The following ZNF577 variants were observed in gnomAD, a reference collection of about 807,000 sequenced individuals.
ZNF577 encodes zinc finger protein 577.
A neutral mutation model predicts 13.9 loss-of-function variants in ZNF577; 14 were observed. The ratio of observed to expected loss-of-function variants is 1.00; its 90% CI spans 0.66 to 1.57. ZNF577 has a LOEUF of 1.57. Among genes scored for constraint, ZNF577 ranks in the 40% most tolerant of loss-of-function variants. The pLI is 0.00. For synonymous variants in ZNF577, 203 were observed against 202.9 expected, an observed-to-expected ratio of 1.00 and a Z score of 0.00; for missense variants, 555 against 579.2, an observed-to-expected ratio of 0.96 and a Z score of 0.43.
chr19:51,836,378 T>A (rs962486475), intron 9 of ZNF577, among the ~76,000 whole-genome samples: 1 of 152,236 alleles, frequency 6.6e-6, no homozygotes, highest in Non-Finnish European at 1.5e-5. Flanking sequence ...TGTACTTATG[T>A]TTTACACTTT....
At chr19:51,819,497 G>GAA (rs75444884) in intron 9 of ZNF577, among the ~76,000 whole-genome samples, 2 of 151,780 alleles carry the variant, frequency 1.3e-5, no homozygotes, top group African/African-American at 4.8e-5. Context: ...TTATGATATG[G>GAA]AAAAAAAATG....
At chr19:51,883,395 G>A (rs11672250) in intron 1 of ZNF577, among the ~76,000 whole-genome samples, 3,127 of 152,112 alleles carry the variant, frequency 0.021, 54 homozygotes, top group Non-Finnish European at 0.028. Context: ...AAAGTGCTAG[G>A]ATTACAGGCA....
chr19:51,833,954 T>G (rs921106664), intron 9 of ZNF577, among the ~76,000 whole-genome samples: 1 of 152,206 alleles, frequency 6.6e-6, no homozygotes, highest in Non-Finnish European at 1.5e-5. Context: ...TGTATAATAG[T>G]CAAATCAGGG....
At chr19:51,808,939 C>T (rs2122437896) in intron 10 of ZNF577, among the ~76,000 whole-genome samples, 1 of 152,344 alleles carries the variant, frequency 6.6e-6, no homozygotes, top group African/African-American at 2.4e-5. Flanking sequence ...GGGTTTGTCA[C>T]TGAGCCATTC....
At chr19:51,852,289 TGAGAG>T (rs2084382732) in intron 5 of ZNF577, among the ~76,000 whole-genome samples, 1 of 152,190 alleles carries the variant, frequency 6.6e-6, no homozygotes, top group South Asian at 2.1e-4. Context: ...GGGCTGCCTC[TGAGAG>T]GAAAGAAACA....
chr19:51,842,259 A>C (rs892765716), intron 8 of ZNF577, among the ~76,000 whole-genome samples: 1 of 152,192 alleles, frequency 6.6e-6, no homozygotes, highest in African/African-American at 2.4e-5. Flanking sequence ...ATATAGTGCT[A>C]TGGTCTGATG....
At chr19:51,857,261 C>T (rs1021887914) in intron 5 of ZNF577, among the ~76,000 whole-genome samples, 3 of 150,538 alleles carry the variant, frequency 2.0e-5, no homozygotes, top group African/African-American at 4.9e-5. Flanking sequence ...ATCGTGCCAC[C>T]GCATTTCAGC....
At chr19:51,828,334 C>T (rs2084242306) in intron 9 of ZNF577, among the ~76,000 whole-genome samples, 1 of 150,262 alleles carries the variant, frequency 6.7e-6, no homozygotes, top group African/African-American at 2.4e-5. Context: ...TGCCACTGCA[C>T]TCTAGCCTGG....
At chr19:51,838,460 G>A (rs1230093192) in intron 9 of ZNF577, among the ~76,000 whole-genome samples, 1 of 151,016 alleles carries the variant, frequency 6.6e-6, no homozygotes, top group African/African-American at 2.4e-5. Flanking sequence ...TATTCGTTGT[G>A]CACATGTACC....
rs2084806978 is a variant in ZNF577, at chr19:51,878,592, G to C, written c.61-77C>G. 5.1e-6 allele frequency: 8 copies of C among 1,561,296 alleles called. No individual in the cohort carries two copies. In the East Asian group the frequency reaches 1.6e-4, roughly 31 times the overall value. ...GAGAAGAGGGACGGGGACATGTCTT[G>C]ATCCTTTTCTCCATGACAACGTATG... On this transcript the variant is annotated intron_variant, in intron 3 of 5. Transcript: ENST00000638348.
At chr19:51,885,216 C>T (rs757117500) in intron 1 of ZNF577, among the ~76,000 whole-genome samples, 15 of 152,158 alleles carry the variant, frequency 9.9e-5, no homozygotes, top group Non-Finnish European at 1.8e-4. Flanking sequence ...AGAACACAGC[C>T]ACACCCATTT....
At chr19:51,810,955 C>G in intron 10 of ZNF577, among the ~76,000 whole-genome samples, 1 of 152,150 alleles carries the variant, frequency 6.6e-6, no homozygotes, top group Admixed American at 6.5e-5. Context: ...GTCTCTAGTT[C>G]TGCTACCAAA....
chr19:51,856,918 CAG>C (rs1315501213), intron 5 of ZNF577, among the ~76,000 whole-genome samples: 2 of 142,102 alleles, frequency 1.4e-5, no homozygotes, highest in Admixed American at 7.1e-5. Flanking sequence ...GCTTTTGCCT[CAG>C]GGGAGAATCT....
At position 51,873,382 on chromosome 19, in the gene ZNF577, T is replaced by C. The variant is rs1214260082; in HGVS notation, c.608A>G (p.Glu203Gly). 1.2e-6 allele frequency: 2 copies of C among 1,614,236 alleles called. No homozygotes were observed. The highest frequency in any genetic ancestry group is 2.2e-5 in the South Asian group (2 of 91,090). The stretch of plus-strand genomic sequence containing the variant: ...CTCTCCTGTGTGAGTTCTCTGATGC[T>C]CAGTGAGCTGAATCTTCCTCATGAA... ...KTFMRKIQLT[E>G]HQRTHTGEKP... is the part of the protein sequence containing the mutation. Residue 203 changes from glutamate to glycine, a missense_variant, in exon 6 of 6, where the codon GAG (glutamate) becomes GGG (glycine). Transcript: ENST00000638348.
intron 9 of ZNF577, among the ~76,000 whole-genome samples, chr19:51,832,876 C>T (rs2084267595): frequency 6.6e-6 from 1 of 151,598 alleles, no homozygotes; most frequent in South Asian, 2.1e-4. Flanking sequence ...CTATTGTGTT[C>T]CATTGGTCTG....
intron 5 of ZNF577, 99 bp from the exon 6 acceptor site, chr19:51,873,805 G>T (rs1332695908): frequency 1.3e-5 from 12 of 947,474 alleles, no homozygotes; most frequent in Middle Eastern, 2.8e-4. Context: ...ATTTCCAAGG[G>T]CATAACTTTG....
At chr19:51,854,666 G>A (rs144033882) in intron 5 of ZNF577, among the ~76,000 whole-genome samples, 1,611 of 151,404 alleles carry the variant, frequency 0.011, 27 homozygotes, top group African/African-American at 0.034. Flanking sequence ...TCAGATGGAC[G>A]GAATAATTTT....
rs765500141 is a variant in ZNF577, at chr19:51,824,786, G to A, written c.*600-13112C>T. ...ACACCACTTCTGCTTCACCTCCTGAGGAGACGGAGTTACAAGCAATGTGAG... is the reference window on the plus strand; with the variant it reads ...ACACCACTTCTGCTTCACCTCCTGAAGAGACGGAGTTACAAGCAATGTGAG... On this transcript the variant is annotated intron_variant and NMD_transcript_variant, in intron 9 of 10. Transcript: ENST00000638827. This position sits in a 1 kb window ranked among gnomAD's most constrained non-coding sequence, Gnocchi z 4.7. The A allele has an allele frequency of 6.2e-7, 1 of 1,612,848 alleles. No homozygotes were observed. Among genetic ancestry groups the A allele is most frequent in the Admixed American group, 1.7e-5 (1 of 59,914 alleles).
Position 51,872,933 on chromosome 19 carries a change from G to T in ZNF577, c.1057C>A (p.Pro353Thr). The change falls in exon 6 of 6, where the codon CCA (proline) becomes ACA (threonine). Residue 353 changes from proline (P) to threonine (T), a missense_variant. By Grantham distance (38) the Pro-to-Thr change is conservative. Transcript: ENST00000638348. ...QHQRTHTGERPYSCRECGKAF... is the reference protein window; with the variant it reads ...QHQRTHTGERTYSCRECGKAF... The stretch of plus-strand genomic sequence containing the variant: ...TTGCCACATTCTCTGCATGAATATG[G>T]TCTCTCTCCAGTGTGAGTACGCTGA... 2 of 1,614,202 alleles carry T rather than the reference G, an allele frequency of 1.2e-6. No individual in the cohort carries two copies. The highest frequency in any genetic ancestry group is 8.5e-7 in the Non-Finnish European group (1 of 1,180,038).
Sources: allele counts gnomAD v4.1 joint callset (sites outside exome capture counted in the v4.1 genomes callset), GRCh38; gene constraint gnomAD v4.1.1; non-coding constraint Gnocchi (gnomAD v3.1); transcripts MANE v1.5; gene names NCBI Gene and HGNC (gene_info 2026-07-23, HGNC 2026-07-21).